The following PLEC variants were observed in gnomAD, a reference collection of about 807,000 sequenced individuals.
PLEC encodes the protein hemidesmosomal protein 1.
In PLEC, 216 loss-of-function variants were observed where a neutral mutation model predicts 392.8. That is an observed-to-expected ratio of 0.55 (90% CI 0.49 to 0.62). PLEC has a LOEUF of 0.62. Ranked by LOEUF, PLEC falls within the 20% of genes least tolerant of loss-of-function variation. PLEC has a pLI of 0.00. For missense variants in PLEC, 6,863 were observed against 6,563.4 expected, an observed-to-expected ratio of 1.05 and a Z score of -1.58; for synonymous variants, 3,621 against 2,980.6, an observed-to-expected ratio of 1.21 and a Z score of -7.00.
intron 30 of PLEC, 44 bp downstream of exon 30, chr8:143,926,740 G>A (rs782535563): frequency 1.9e-5 from 28 of 1,489,102 alleles, no homozygotes; most frequent in African/African-American, 5.5e-5. Context: ...ACAACAGGTG[G>A]TGAGATGGAA....
chr8:143,947,737 G>C (rs547818201), intron 1 of PLEC, among the ~76,000 whole-genome samples: 4 of 152,174 alleles, frequency 2.6e-5, no homozygotes, highest in Admixed American at 2.6e-4. Flanking sequence ...GCAACAGAGC[G>C]GGACTCCATC....
At chr8:143,971,068 G>T (rs113057351) in intron 1 of PLEC, among the ~76,000 whole-genome samples, 1 of 152,202 alleles carries the variant, frequency 6.6e-6, no homozygotes, top group Non-Finnish European at 1.5e-5. Flanking sequence ...AGCAGTGGCC[G>T]CCTGACTGTA....
chr8:143,925,742 C>T lies in PLEC; in HGVS notation c.4187G>A (p.Arg1396His), dbSNP rs148159359. The T allele has an allele frequency of 3.1e-5, 49 of 1,594,606 alleles. No homozygotes were observed. The highest frequency in any genetic ancestry group is 4.0e-5 in the African/African-American group (3 of 74,912). ...AEREAKELQQ[R>H]MQEEVVRREE... ...CCGCCGCACCACCTCCTCCTGCATGCGCTGCTGCAGCTCCTTCGCCTCCCG... is the reference window on the plus strand; with the variant it reads ...CCGCCGCACCACCTCCTCCTGCATGTGCTGCTGCAGCTCCTTCGCCTCCCG... Residue 1396 changes from arginine (R) to histidine (H), a missense_variant, in exon 31 of 32, where the codon CGC (arginine) becomes CAC (histidine). Arg to His is a conservative substitution (Grantham distance 29, BLOSUM62 0). Coordinates refer to ENST00000345136, the MANE Select transcript of PLEC (RefSeq NM_201384.3).
chr8:143,968,323 C>A (rs1489254401), intron 1 of PLEC, among the ~76,000 whole-genome samples: 3 of 151,778 alleles, frequency 2.0e-5, no homozygotes, highest in African/African-American at 7.3e-5. Flanking sequence ...GGTGAGGTGG[C>A]TCACGCTGTA....
Position 143,938,665 on chromosome 8 carries a change from G to A in PLEC, c.140C>T (p.Thr47Ile), listed in dbSNP as rs1829739101. 1 of 1,613,818 alleles carries A rather than the reference G, an allele frequency of 6.2e-7. No individual in the cohort carries two copies. The highest frequency in any genetic ancestry group is 8.5e-7 in the Non-Finnish European group (1 of 1,179,948). The change falls in exon 2 of 32, where the codon ACC becomes ATC. Residue 47 changes from threonine to isoleucine, a missense_variant. By Grantham distance (89) the Thr-to-Ile change is moderately conservative. Coordinates refer to ENST00000345136, the MANE Select transcript of PLEC (RefSeq NM_201384.3). Reference sequence around the variant, plus strand: ...GTGCTTGTTGACCCACTTGGTGAAGGTTTTCTTCTGCACACGATCCCGCTC... The same window carrying A: ...GTGCTTGTTGACCCACTTGGTGAAGATTTTCTTCTGCACACGATCCCGCTC... ...KDERDRVQKK[T>I]FTKWVNKHLI... is the part of the protein sequence containing the mutation.
chr8:143,973,394 G>T lies in PLEC; in HGVS notation c.70+9C>A. On this transcript the variant is annotated intron_variant, in intron 1 of 31. Coordinates refer to the PLEC transcript ENST00000356346. This position sits in a 1 kb window ranked among gnomAD's most constrained non-coding sequence, Gnocchi z 5.6. ...GCGGCCCGACAGGCAGCGGGACGGG[G>T]GGCCGTACCTTTGTACTTCTCGCGC... 6.4e-7 allele frequency: 1 copy of T among 1,559,704 alleles called. No homozygotes were observed. The highest frequency in any genetic ancestry group is 8.7e-7 in the Non-Finnish European group (1 of 1,153,076).
Position 143,932,793 on chromosome 8 carries a change from C to G in PLEC, c.1737G>C (p.Glu579Asp). The change falls in exon 14 of 32, where the codon GAG becomes GAC. Residue 579 changes from glutamate to aspartate, a missense_variant and splice_region_variant. Glu to Asp is a conservative substitution (Grantham distance 45). Transcript: ENST00000345136. ...CTGCCCATCGCTCAGCGCCACCCAC[C>G]TCGTCACTCCGTGCCCGCTCGATCT... ...RAKIERARSD[E>D]GQLSPATRGA... is the part of the protein sequence containing the mutation. The G allele has an allele frequency of 1.2e-6, 2 of 1,612,160 alleles. No individual in the cohort carries two copies. Among genetic ancestry groups the G allele is most frequent in the Non-Finnish European group, 1.7e-6 (2 of 1,179,756 alleles).
At chr8:143,937,559 C>T in intron 3 of PLEC, 1 of 490,692 alleles carries the variant, frequency 2.0e-6, no homozygotes, top group Non-Finnish European at 3.8e-6. Context: ...GCGGTGGCAG[C>T]CACAGCAGCC....
At chr8:143,942,542 G>T (rs1554729634), upstream of PLEC, 1 of 1,546,868 alleles carries the variant, frequency 6.5e-7, no homozygotes. Flanking sequence ...GCCCTGGTTC[G>T]GCCCACGGAC....
intron 6 of PLEC, 54 bp downstream of exon 6, chr8:143,935,794 A>T: frequency 6.3e-7 from 1 of 1,585,628 alleles, no homozygotes; most frequent in Non-Finnish European, 8.6e-7. Context: ...TGCCTAGTGG[A>T]GGCGCTGTGG....
chr8:143,942,536 T>C, upstream of PLEC: 1 of 1,551,212 alleles, frequency 6.4e-7, no homozygotes, highest in Admixed American at 1.9e-5. Context: ...GCCGGAGCCC[T>C]GGTTCGGCCC....
At chr8:143,937,296 C>A in intron 3 of PLEC, 54 bp from the exon 4 acceptor site, 1 of 1,369,204 alleles carries the variant, frequency 7.3e-7, no homozygotes, top group Admixed American at 1.7e-5. Context: ...CCGGGCCCCA[C>A]CCTCAGCATG....
upstream of PLEC, chr8:143,942,566 G>A (rs1554729688): frequency 6.7e-7 from 1 of 1,493,720 alleles, no homozygotes; most frequent in Non-Finnish European, 8.9e-7. Flanking sequence ...GCGGGGAGCT[G>A]GACCGCGGCG....
upstream of PLEC, among the ~76,000 whole-genome samples, chr8:143,957,628 C>A (rs1205672961): frequency 6.6e-6 from 1 of 152,190 alleles, no homozygotes; most frequent in African/African-American, 2.4e-5. Context: ...CACAGAGCAA[C>A]CTCCTCTTCA....
chr8:143,975,082 C>T (rs1309044285), upstream of PLEC: 23 of 1,391,140 alleles, frequency 1.7e-5, no homozygotes, highest in Admixed American at 1.0e-4. This position sits in a 1 kb window ranked among gnomAD's most constrained non-coding sequence, Gnocchi z 9.9. Flanking sequence ...CTAGGCCTCC[C>T]CCACCCAGTC....
chr8:143,919,937 ACCT>A lies in PLEC; in HGVS notation c.9881_9883del (p.Glu3294del), dbSNP rs782264918. 6.2e-7 allele frequency: 1 copy of A among 1,613,272 alleles called. No individual in the cohort carries two copies. The highest frequency in any genetic ancestry group is 2.2e-5 in the East Asian group (1 of 44,878). Reference sequence around the variant, plus strand: ...CAGCCTCTCCTGCCGCAGGGTCTCCACCTCCTCCACGATGGTAATGAGAATCTT... The same window carrying A: ...CAGCCTCTCCTGCCGCAGGGTCTCCACCTCCACGATGGTAATGAGAATCTT... On this transcript the variant is annotated inframe_deletion, in exon 32 of 32. Transcript: ENST00000345136.
At chr8:143,970,421 C>T (rs1302625675) in intron 1 of PLEC, among the ~76,000 whole-genome samples, 2 of 152,094 alleles carry the variant, frequency 1.3e-5, no homozygotes, top group African/African-American at 2.4e-5. Context: ...AGAGAGCACA[C>T]GGATTTGGCC....
At chr8:143,946,388 T>C in intron 1 of PLEC, 2 of 1,288,512 alleles carry the variant, frequency 1.6e-6, no homozygotes, top group Non-Finnish European at 2.0e-6. Flanking sequence ...GCTGTACCTG[T>C]CCATGGCTGC....
chr8:143,918,674 C>G lies in PLEC; in HGVS notation c.11147G>C (p.Ser3716Thr). The change falls in exon 32 of 32, where the codon AGT becomes ACT. Residue 3716 changes from serine (S) to threonine (T), a missense_variant. By Grantham distance (58) the Ser-to-Thr change is moderately conservative. Coordinates refer to ENST00000345136, the MANE Select transcript of PLEC (RefSeq NM_201384.3). ...CAGCAGCAGGCGGGCCACCTCGGCA[C>G]TCAGCAGCCCTTTCTTGAGAGCCTG... ...IYQALKKGLL[S>T]AEVARLLLEA... The G allele has an allele frequency of 6.2e-7, 1 of 1,612,922 alleles. No individual in the cohort carries two copies. The highest frequency in any genetic ancestry group is 8.5e-7 in the Non-Finnish European group (1 of 1,179,988).
Sources: allele counts gnomAD v4.1 joint callset (sites outside exome capture counted in the v4.1 genomes callset), GRCh38; gene constraint gnomAD v4.1.1; non-coding constraint Gnocchi (gnomAD v3.1); transcripts MANE v1.5; gene names NCBI Gene and HGNC (gene_info 2026-07-23, HGNC 2026-07-21).